PCNX1: variants seen among roughly 807,000 people sequenced by gnomAD.
PCNX1 encodes pecanex 1.
Under a neutral mutation model 242.2 loss-of-function variants are expected in PCNX1, and 78 were observed. That is an observed-to-expected ratio of 0.32 (90% CI 0.27 to 0.39). The LOEUF (loss-of-function observed/expected upper bound fraction) is 0.39, where lower values mean the gene tolerates loss of function less well. Among genes scored for constraint, PCNX1 ranks in the 10% least tolerant of loss-of-function variants. PCNX1 has a pLI of 1.00. For missense variants in PCNX1, 2,581 were observed against 2,856.5 expected (o/e 0.90, Z 2.20); for synonymous variants, 1,024 against 1,032.9 (o/e 0.99, Z 0.17).
rs911548952 is a variant in PCNX1 at position 71,115,156 on chromosome 14, T to G, written c.*5221T>G. On this transcript the variant is annotated 3_prime_UTR_variant, in exon 36 of 36. Transcript: ENST00000304743. ...TTCTGATCATGGGCTCTGGAAAGTA[T>G]TCATGGCCTTTACCAGCATTCAGTA... 6.6e-6 allele frequency: 1 copy of G among 152,596 alleles called. No homozygotes were observed. The highest frequency in any genetic ancestry group is 2.4e-5 in the African/African-American group (1 of 41,450). The allele number at this position is 152,596 out of a possible 1,614,324, so 9.5% of individuals were successfully genotyped here. A position where few individuals can be genotyped will look rare whatever the true frequency, so the allele number is the denominator to read the frequency against.
At chr14:71,019,643 G>A (rs1032543123) in intron 12 of PCNX1, among the ~76,000 whole-genome samples, 8 of 152,000 alleles carry the variant, frequency 5.3e-5, no homozygotes. Flanking sequence ...CTCGTGATCC[G>A]CCTGCCTTGG....
At chr14:71,102,877 A>G (rs1195262977) in intron 31 of PCNX1, among the ~76,000 whole-genome samples, 1 of 152,220 alleles carries the variant, frequency 6.6e-6, no homozygotes, top group African/African-American at 2.4e-5. Flanking sequence ...GCAAAATGAT[A>G]GCATACCATG....
At chr14:71,014,327 C>T (rs1218015168) in intron 11 of PCNX1, among the ~76,000 whole-genome samples, 2 of 152,072 alleles carry the variant, frequency 1.3e-5, no homozygotes, top group Non-Finnish European at 1.5e-5. Flanking sequence ...TACCCAGCAC[C>T]CAACAAGTTA....
intron 8 of PCNX1, among the ~76,000 whole-genome samples, chr14:71,009,199 A>G (rs1470543902): frequency 6.6e-6 from 1 of 152,230 alleles, no homozygotes; most frequent in Non-Finnish European, 1.5e-5. Context: ...CTTAAGAAAC[A>G]CAGCTCAGAA....
chr14:71,080,514 G>C (rs961849704), intron 28 of PCNX1, among the ~76,000 whole-genome samples: 4 of 152,178 alleles, frequency 2.6e-5, no homozygotes, highest in African/African-American at 9.6e-5. Context: ...AGCATGGAAT[G>C]TTTTTCCATT....
At chr14:70,975,438 G>A (rs904018534) in intron 5 of PCNX1, among the ~76,000 whole-genome samples, 1 of 152,090 alleles carries the variant, frequency 6.6e-6, no homozygotes, top group African/African-American at 2.4e-5. Context: ...GAGGCTATCC[G>A]TGAATTTTTA....
At chr14:71,004,415 G>A (rs2059595479) in intron 8 of PCNX1, among the ~76,000 whole-genome samples, 1 of 152,208 alleles carries the variant, frequency 6.6e-6, no homozygotes, top group African/African-American at 2.4e-5. Flanking sequence ...CTTCCTGTCA[G>A]GTCAGTGGCA....
chr14:70,910,198 C>G (rs1594865636), intron 1 of PCNX1, among the ~76,000 whole-genome samples: 9 of 58,694 alleles, frequency 1.5e-4, no homozygotes, highest in South Asian at 9.3e-4. Context: ...CCTCCTCCTC[C>G]TCCTCCTCGT....
chr14:71,042,713 AT>A (rs914301468), intron 19 of PCNX1, among the ~76,000 whole-genome samples: 1 of 152,032 alleles, frequency 6.6e-6, no homozygotes, highest in African/African-American at 2.4e-5. Context: ...AATTTAAGCC[AT>A]TTACATTCAG....
intron 1 of PCNX1, among the ~76,000 whole-genome samples, chr14:70,915,127 T>C (rs536879535): frequency 6.6e-6 from 1 of 152,286 alleles, no homozygotes; most frequent in Middle Eastern, 3.4e-3. Context: ...CTGAGTAATA[T>C]TCCTTTGTAT....
chr14:70,950,135 C>T (rs553549433), intron 2 of PCNX1, among the ~76,000 whole-genome samples: 1 of 152,156 alleles, frequency 6.6e-6, no homozygotes, highest in Non-Finnish European at 1.5e-5. Flanking sequence ...ACATGAGTAC[C>T]CTGTTTGTTA....
At chr14:71,023,291 G>T (rs2060154092) in intron 13 of PCNX1, 59 bp downstream of exon 13, 2 of 1,336,798 alleles carry the variant, frequency 1.5e-6, no homozygotes, top group Admixed American at 1.8e-5. Context: ...CATAATATTT[G>T]TGGTTTGTTT....
intron 28 of PCNX1, among the ~76,000 whole-genome samples, chr14:71,080,659 T>G (rs1302230606): frequency 6.6e-6 from 1 of 152,194 alleles, no homozygotes; most frequent in African/African-American, 2.4e-5. Flanking sequence ...TCACTCATGA[T>G]TTGGCCCTCT....
intron 7 of PCNX1, among the ~76,000 whole-genome samples, chr14:70,989,531 T>C (rs1055429785): frequency 7.4e-6 from 1 of 134,964 alleles, no homozygotes; most frequent in African/African-American, 2.8e-5. Flanking sequence ...AAAACAGATA[T>C]AAATTTTTTT....
At chr14:70,983,343 T>C (rs1441039258) in intron 6 of PCNX1, among the ~76,000 whole-genome samples, 1 of 152,130 alleles carries the variant, frequency 6.6e-6, no homozygotes, top group African/African-American at 2.4e-5. Flanking sequence ...CTCACTCTAT[T>C]GTCCAGGCTG....
intron 2 of PCNX1, among the ~76,000 whole-genome samples, chr14:70,957,236 A>G (rs1347492536): frequency 2.0e-5 from 3 of 152,032 alleles, no homozygotes; most frequent in Non-Finnish European, 4.4e-5. Flanking sequence ...TGATCTGCCC[A>G]TCTTGGCCTC....
intron 2 of PCNX1, among the ~76,000 whole-genome samples, chr14:70,954,232 T>C (rs954740795): frequency 7.9e-5 from 12 of 152,198 alleles, no homozygotes; most frequent in Admixed American, 5.9e-4. Flanking sequence ...TGGTGGCTTG[T>C]TTCTGGGCTC....
At chr14:70,991,755 T>G (rs1403563701) in intron 7 of PCNX1, among the ~76,000 whole-genome samples, 1 of 152,216 alleles carries the variant, frequency 6.6e-6, no homozygotes, top group Non-Finnish European at 1.5e-5. Context: ...TATTCCTCAG[T>G]GTGAGTTACA....
In PCNX1 at chr14:70,964,731, G is replaced by A. The variant is rs181430742; in HGVS notation, c.468+2400G>A. Among the ~76,000 whole-genome samples, 120 of 152,294 alleles carry A rather than the reference G, an allele frequency of 7.9e-4. 1 individual carries two copies. Among genetic ancestry groups the A allele is most frequent in the Middle Eastern group, 3.4e-3 (1 of 294 alleles). ...GGAACTTGCCTGTTTGTTTTAGGGA[G>A]GGAGTCCCTTTTTGACTGTGATTAA... On this transcript the variant is annotated intron_variant, in intron 3 of 35. Coordinates refer to ENST00000304743, the MANE Select transcript of PCNX1 (RefSeq NM_014982.3).
Sources: allele counts gnomAD v4.1 joint callset (sites outside exome capture counted in the v4.1 genomes callset), GRCh38; gene constraint gnomAD v4.1.1; transcripts MANE v1.5; gene names NCBI Gene and HGNC (gene_info 2026-07-23, HGNC 2026-07-21).